Variants in SLC2A10 observed in about 807,000 individuals in gnomAD.
SLC2A10 encodes the protein solute carrier family 2 member 10.
In SLC2A10, 25 loss-of-function variants were observed where a neutral mutation model predicts 32.1. The ratio of observed to expected loss-of-function variants is 0.78; its 90% CI spans 0.57 to 1.09. The LOEUF is 1.09. SLC2A10 is among the 50% of genes least tolerant of loss of function. The probability of loss-of-function intolerance (pLI) is 0.00; values close to 1 mark genes in which losing one functional copy is unlikely to be tolerated. For synonymous variants in SLC2A10, 332 were observed against 309.6 expected, an observed-to-expected ratio of 1.07 and a Z score of -0.76; for missense variants, 673 against 686.5, an observed-to-expected ratio of 0.98 and a Z score of 0.22.
chr20:46,730,598 G>A (rs1347856278), intron 4 of SLC2A10, among the ~76,000 whole-genome samples: 1 of 152,208 alleles, frequency 6.6e-6, no homozygotes, highest in African/African-American at 2.4e-5. Context: ...TATCTGGCAT[G>A]TGCAAGGAAC....
In SLC2A10 at chr20:46,726,048, C is replaced by A. The variant is rs1315880375; in HGVS notation, c.1012C>A (p.Gln338Lys). The A allele has an allele frequency of 1.2e-6, 2 of 1,614,158 alleles. No homozygotes were observed. The highest frequency in any genetic ancestry group is 3.3e-5 in the Admixed American group (2 of 60,036). ...TCTGGCTGTGCCCAATGCCACCGGG[C>A]AGACAGGCCTCCCTGGAGACTCTGG... ...SCLAVPNATG[Q>K]TGLPGDSGLL... is the part of the protein sequence containing the mutation. Residue 338 changes from glutamine to lysine, a missense_variant, in exon 2 of 5, where the codon CAG (glutamine) becomes AAG (lysine). Coordinates refer to ENST00000359271, the MANE Select transcript of SLC2A10 (RefSeq NM_030777.4).
intron 1 of SLC2A10, among the ~76,000 whole-genome samples, chr20:46,717,759 A>G (rs1979333468): frequency 6.6e-6 from 1 of 152,204 alleles, no homozygotes; most frequent in Non-Finnish European, 1.5e-5. Context: ...CACAAGGAAC[A>G]CATGACAAAT....
chr20:46,712,557 A>G (rs1978977799), intron 1 of SLC2A10, among the ~76,000 whole-genome samples: 1 of 151,632 alleles, frequency 6.6e-6, no homozygotes, highest in Admixed American at 6.6e-5. Context: ...AAGGATGCAC[A>G]CTTGCTAAAC....
intron 1 of SLC2A10, among the ~76,000 whole-genome samples, chr20:46,712,245 A>G (rs1235333281): frequency 6.6e-6 from 1 of 152,162 alleles, no homozygotes; most frequent in Non-Finnish European, 1.5e-5. Context: ...CATACAGTTC[A>G]ATTTCACATC....
At chr20:46,709,154 T>C (rs1978752961), upstream of SLC2A10, among the ~76,000 whole-genome samples, 1 of 152,206 alleles carries the variant, frequency 6.6e-6, no homozygotes, top group South Asian at 2.1e-4. Flanking sequence ...GCGTAGTGCC[T>C]GGTATGTGGT....
intron 4 of SLC2A10, among the ~76,000 whole-genome samples, chr20:46,732,897 G>A (rs183808656): frequency 6.6e-6 from 1 of 152,274 alleles, no homozygotes; most frequent in East Asian, 1.9e-4. Flanking sequence ...GGAGGGAACA[G>A]CAAGAGCAAA....
At position 46,712,413 on chromosome 20, in the gene SLC2A10, C is replaced by T. The variant is rs186532523; in HGVS notation, c.4+2673C>T. On this transcript the variant is annotated intron_variant, in intron 1 of 4. Transcript: ENST00000359271. ...TACTTGCATCCCAAACCAGGGTTCT[C>T]CCCCCTCCCCCTGCCCCCTGACCCT... Among the ~76,000 whole-genome samples the T allele has an allele frequency of 4.2e-3, 641 of 152,118 alleles. 2 individuals are homozygous for T. Among genetic ancestry groups the T allele is most frequent in the African/African-American group, 0.013 (547 of 41,502 alleles).
intron 1 of SLC2A10, among the ~76,000 whole-genome samples, chr20:46,723,872 A>C (rs1979693809): frequency 6.6e-6 from 1 of 152,246 alleles, no homozygotes; most frequent in South Asian, 2.1e-4. Context: ...TTGGAGGATG[A>C]TATGTTATAG....
At chr20:46,718,800 G>A (rs1307189311) in intron 1 of SLC2A10, among the ~76,000 whole-genome samples, 1 of 151,824 alleles carries the variant, frequency 6.6e-6, no homozygotes, top group Non-Finnish European at 1.5e-5. Flanking sequence ...TTTAAAGATA[G>A]GGCCTTGCTC....
In SLC2A10 at chr20:46,734,972, CA is replaced by C. The variant is rs1600676435; in HGVS notation, c.*1139del. ...CTGCAGAATGGGGATAATTATGTCC[CA>C]GGGGTATATTTAGACCCTGTTTCCT... is the stretch of plus-strand genomic sequence containing the variant. On this transcript the variant is annotated 3_prime_UTR_variant, in exon 5 of 5. Transcript: ENST00000359271. 1 of 152,616 alleles carries C rather than the reference CA, an allele frequency of 6.6e-6. No homozygotes were observed. Among genetic ancestry groups the C allele is most frequent in the Admixed American group, 6.5e-5 (1 of 15,278 alleles). The allele number at this position is 152,616 out of a possible 1,614,324, so 9.5% of individuals were successfully genotyped here. A position where few individuals can be genotyped will look rare whatever the true frequency, so the allele number is the denominator to read the frequency against.
intron 3 of SLC2A10, among the ~76,000 whole-genome samples, chr20:46,727,933 G>A (rs977285325): frequency 2.2e-5 from 3 of 134,796 alleles, no homozygotes; most frequent in African/African-American, 8.8e-5. Flanking sequence ...GGGCAGTGCT[G>A]TGGGAAACCC....
At chr20:46,716,248 G>A (rs989524342) in intron 1 of SLC2A10, among the ~76,000 whole-genome samples, 1 of 151,802 alleles carries the variant, frequency 6.6e-6, no homozygotes, top group African/African-American at 2.4e-5. Context: ...CACCTTCCCG[G>A]ATTCAAATGA....
At chr20:46,732,039 T>C (rs1980328718) in intron 4 of SLC2A10, among the ~76,000 whole-genome samples, 2 of 152,200 alleles carry the variant, frequency 1.3e-5, no homozygotes, top group South Asian at 4.1e-4. Flanking sequence ...CAGATGCCGG[T>C]AGAGCCGTCA....
intron 3 of SLC2A10, among the ~76,000 whole-genome samples, chr20:46,728,119 G>A (rs1349065984): frequency 2.0e-5 from 3 of 152,132 alleles, no homozygotes; most frequent in South Asian, 2.1e-4. Flanking sequence ...AGGGAGGAAG[G>A]AAGGAAGGAA....
chr20:46,709,595 G>A (rs1033447906), upstream of SLC2A10: 2 of 1,080,344 alleles, frequency 1.9e-6, no homozygotes, highest in Non-Finnish European at 2.5e-6. Context: ...TGGCGGCGCT[G>A]CGCGCGGGAG....
chr20:46,716,399 C>T (rs550168439), intron 1 of SLC2A10, among the ~76,000 whole-genome samples: 7 of 152,090 alleles, frequency 4.6e-5, no homozygotes, highest in Non-Finnish European at 1.0e-4. Context: ...GTGATCCGCC[C>T]GCCTCAGCCT....
At chr20:46,716,152 AC>A (rs1979225170) in intron 1 of SLC2A10, among the ~76,000 whole-genome samples, 1 of 146,132 alleles carries the variant, frequency 6.8e-6, no homozygotes, top group Non-Finnish European at 1.5e-5. Context: ...TGGGGTGAGA[AC>A]TTTTTTTTTT....
rs761947206 is a variant in SLC2A10 at position 46,725,511 on chromosome 20, G to T, written c.475G>T (p.Gly159Cys). Residue 159 changes from glycine to cysteine, a missense_variant, in exon 2 of 5, where the codon GGT becomes TGT. Gly to Cys is a radical substitution (Grantham distance 159). Coordinates refer to ENST00000359271, the MANE Select transcript of SLC2A10 (RefSeq NM_030777.4). ...CTATGCCCTCAACTATGCACTGGCT[G>T]GTACCCCCTGGGGATGGAGGCACAT... is the stretch of plus-strand genomic sequence containing the variant. ...LSYALNYALA[G>C]TPWGWRHMFG... 14 of 1,614,022 alleles carry T rather than the reference G, an allele frequency of 8.7e-6. No individual in the cohort carries two copies. The highest frequency in any genetic ancestry group is 2.2e-5 in the East Asian group (1 of 44,896).
intron 1 of SLC2A10, among the ~76,000 whole-genome samples, chr20:46,711,211 C>T (rs947261345): frequency 6.6e-6 from 1 of 152,144 alleles, no homozygotes; most frequent in East Asian, 1.9e-4. Flanking sequence ...GAATCACAGT[C>T]GCTAACACTG....
Sources: allele counts gnomAD v4.1 joint callset (sites outside exome capture counted in the v4.1 genomes callset), GRCh38; gene constraint gnomAD v4.1.1; transcripts MANE v1.5; gene names NCBI Gene and HGNC (gene_info 2026-07-23, HGNC 2026-07-21).